TENM3: variants seen among roughly 807,000 people sequenced by gnomAD.
TENM3 encodes teneurin transmembrane protein 3, also known as teneurin-3.
In TENM3, 63 loss-of-function variants were observed where a neutral mutation model predicts 255.1. That is an observed-to-expected ratio of 0.25 (90% confidence interval 0.20 to 0.30). The LOEUF is 0.30. Among genes scored for constraint, TENM3 ranks in the 10% least tolerant of loss-of-function variants. The pLI is 1.00. For synonymous variants in TENM3, 1,306 were observed against 1,322.3 expected, an observed-to-expected ratio of 0.99 and a Z score of 0.27; for missense variants, 2,929 against 3,461.1, an observed-to-expected ratio of 0.85 and a Z score of 3.86.
intron 3 of TENM3, among the ~76,000 whole-genome samples, chr4:182,526,189 C>G (rs528149136): frequency 1.2e-3 from 176 of 151,998 alleles, no homozygotes; most frequent in African/African-American, 4.1e-3. Context: ...ACAGTGTTAG[C>G]CAGGATGGGC....
At chr4:182,705,721 C>G (rs1054659707) in intron 12 of TENM3, among the ~76,000 whole-genome samples, 3 of 152,214 alleles carry the variant, frequency 2.0e-5, no homozygotes, top group African/African-American at 7.2e-5. Context: ...ACTCCTTAGA[C>G]CTCATTTTTA....
chr4:181,647,488 G>A, the TENM3 span, among the ~76,000 whole-genome samples: 11 of 152,176 alleles, frequency 7.2e-5, no homozygotes, highest in East Asian at 1.7e-3. Context: ...TGCAATATGT[G>A]TGATATTCTC....
At chr4:182,232,801 C>T (rs921898721) in intron 1 of TENM3, among the ~76,000 whole-genome samples, 4 of 152,128 alleles carry the variant, frequency 2.6e-5, no homozygotes, top group Non-Finnish European at 4.4e-5. Flanking sequence ...CCCATACACA[C>T]CATGTGTTTT....
the TENM3 span, among the ~76,000 whole-genome samples, chr4:181,703,823 G>A: frequency 2.0e-5 from 3 of 151,524 alleles, no homozygotes; most frequent in Non-Finnish European, 4.4e-5. Flanking sequence ...CCTTACCTGT[G>A]TAAGAAAACA....
intron 3 of TENM3, among the ~76,000 whole-genome samples, chr4:182,447,241 T>G (rs1772999320): frequency 6.6e-6 from 1 of 151,158 alleles, no homozygotes; most frequent in Non-Finnish European, 1.5e-5. Flanking sequence ...TGTTTGTGAG[T>G]CACGATTTTA....
At chr4:182,778,957 T>TA (rs1416982043) in intron 24 of TENM3, among the ~76,000 whole-genome samples, 3 of 151,272 alleles carry the variant, frequency 2.0e-5, no homozygotes, top group South Asian at 2.1e-4. Flanking sequence ...TTTTTTTTTT[T>TA]AATGTCTTGA....
chr4:182,564,711 T>C (rs1252233499), intron 3 of TENM3, among the ~76,000 whole-genome samples: 1 of 152,136 alleles, frequency 6.6e-6, no homozygotes, highest in Non-Finnish European at 1.5e-5. Context: ...ATTGCTTTGG[T>C]TCCAGTTTTA....
the TENM3 span, among the ~76,000 whole-genome samples, chr4:182,100,606 TAC>T: frequency 3.6e-5 from 4 of 111,216 alleles, no homozygotes; most frequent in African/African-American, 1.3e-4. Context: ...TACACATATA[TAC>T]ACACATATAT....
the TENM3 span, among the ~76,000 whole-genome samples, chr4:181,605,452 A>AAG: frequency 0.039 from 3,924 of 100,526 alleles, 239 homozygotes; most frequent in Admixed American, 0.06. Flanking sequence ...AAAAGAAAGA[A>AAG]AGAGAGAGAG....
chr4:181,614,919 G>T, the TENM3 span, among the ~76,000 whole-genome samples: 1 of 152,208 alleles, frequency 6.6e-6, no homozygotes, highest in Non-Finnish European at 1.5e-5. Flanking sequence ...ATCCGAGAAA[G>T]GCTGAGGATG....
At chr4:181,518,300 G>T in the TENM3 span, among the ~76,000 whole-genome samples, 10,021 of 146,616 alleles carry the variant, frequency 0.068, 401 homozygotes, top group South Asian at 0.15. Flanking sequence ...AGCATGTGGG[G>T]TTTTTTTTTT....
At chr4:182,516,681 A>G (rs1334599577) in intron 3 of TENM3, among the ~76,000 whole-genome samples, 1 of 152,170 alleles carries the variant, frequency 6.6e-6, no homozygotes, top group Non-Finnish European at 1.5e-5. Flanking sequence ...ACTTTAGGTC[A>G]GGAGTTCTAG....
At chr4:181,607,413 A>ATT in the TENM3 span, among the ~76,000 whole-genome samples, 15,131 of 147,412 alleles carry the variant, frequency 0.1, 821 homozygotes, top group Middle Eastern at 0.13. Context: ...TTGGCATTTA[A>ATT]TTTTTTTTTT....
At chr4:181,526,310 C>A in the TENM3 span, among the ~76,000 whole-genome samples, 1 of 151,318 alleles carries the variant, frequency 6.6e-6, no homozygotes, top group African/African-American at 2.4e-5. Flanking sequence ...GGAATGAAGA[C>A]CTCAAAATCT....
intron 3 of TENM3, among the ~76,000 whole-genome samples, chr4:182,508,610 A>T (rs547063299): frequency 1.3e-5 from 2 of 152,224 alleles, no homozygotes; most frequent in Admixed American, 6.5e-5. Context: ...CTTCTGATAG[A>T]TGCATATTAG....
chr4:182,790,856 A>T (rs1186694455), intron 25 of TENM3, among the ~76,000 whole-genome samples: 1 of 152,164 alleles, frequency 6.6e-6, no homozygotes, highest in Non-Finnish European at 1.5e-5. Context: ...GGAGCCCAGG[A>T]GCATATCATT....
chr4:181,553,233 C>A, the TENM3 span, among the ~76,000 whole-genome samples: 1 of 148,592 alleles, frequency 6.7e-6, no homozygotes, highest in Non-Finnish European at 1.5e-5. Context: ...CTTTACCTGG[C>A]AAGTCAGGTC....
the TENM3 span, among the ~76,000 whole-genome samples, chr4:181,868,084 A>AT: frequency 1.3e-5 from 2 of 152,068 alleles, no homozygotes; most frequent in African/African-American, 4.8e-5. Flanking sequence ...TTTACGGGAA[A>AT]TTTTTTGGAA....
At chr4:182,349,939 C>T in intron 3 of TENM3, 1 of 246,666 alleles carries the variant, frequency 4.1e-6, no homozygotes, top group South Asian at 4.3e-5. Context: ...ATTTAAGAGC[C>T]AGATGCTGAT....
Sources: allele counts gnomAD v4.1 joint callset (sites outside exome capture counted in the v4.1 genomes callset), GRCh38; gene constraint gnomAD v4.1.1; transcripts MANE v1.5; gene names NCBI Gene and HGNC (gene_info 2026-07-23, HGNC 2026-07-21).